The following RALYL variants were observed in gnomAD, a reference collection of about 807,000 sequenced individuals.
The protein encoded by RALYL is RNA-binding Raly-like protein.
A neutral mutation model predicts 35.1 loss-of-function variants in RALYL; 29 were observed. The observed-to-expected ratio is 0.83, with a 90% CI of 0.61 to 1.13. The LOEUF (loss-of-function observed/expected upper bound fraction) is 1.13. Among genes scored for constraint, RALYL ranks in the 50% most tolerant of loss-of-function variants. The pLI, the probability that RALYL is intolerant of heterozygous loss-of-function variation, is 0.00. For missense variants in RALYL, 359 were observed against 360.4 expected (o/e 1.00, Z 0.03); for synonymous variants, 120 against 127.6 (o/e 0.94, Z 0.40).
At chr8:84,574,868 G>A (rs1473451165) in intron 2 of RALYL, among the ~76,000 whole-genome samples, 3 of 152,006 alleles carry the variant, frequency 2.0e-5, no homozygotes, top group Non-Finnish European at 4.4e-5. Flanking sequence ...TATGACATCA[G>A]ACTAAAACTT....
rs541509946 is a variant in RALYL at position 84,377,696 on chromosome 8, C to T, written c.-23-151603C>T. The stretch of plus-strand genomic sequence containing the variant: ...TTTATCCACCCACTCTGCTCAAATA[C>T]ACCCCATGCATCTTAGGAACTAGGA... On this transcript the variant is annotated intron_variant, in intron 1 of 8. Transcript: ENST00000521268. Among the ~76,000 whole-genome samples the T allele has an allele frequency of 9.9e-5, 15 of 151,718 alleles. No individual in the cohort carries two copies. The South Asian group carries it at 2.9e-3, about 29-fold the overall frequency.
intron 1 of RALYL, among the ~76,000 whole-genome samples, chr8:84,346,504 T>C (rs1849863192): frequency 6.6e-6 from 1 of 152,158 alleles, no homozygotes; most frequent in Non-Finnish European, 1.5e-5. Flanking sequence ...AGTCTCACTC[T>C]GTCACCCAGG....
rs1199305820 is a variant in RALYL, at chr8:84,695,867, A to G, written c.257-78712A>G. 5.3e-5 allele frequency among the ~76,000 whole-genome samples: 8 copies of G among 151,898 alleles called. No individual in the cohort carries two copies. The East Asian group carries it at 1.5e-3, about 29-fold the overall frequency. On this transcript the variant is annotated intron_variant, in intron 2 of 8. Coordinates refer to ENST00000521268, the MANE Select transcript of RALYL (RefSeq NM_173848.7). ...TTCTACCCCTCTCAGTAATTCTCTC[A>G]CTAATGCTTAATTATTGTTACCCAT... is the stretch of plus-strand genomic sequence containing the variant.
intron 1 of RALYL, among the ~76,000 whole-genome samples, chr8:84,521,456 T>C (rs1245477631): frequency 6.6e-6 from 1 of 152,222 alleles, no homozygotes; most frequent in African/African-American, 2.4e-5. Flanking sequence ...TTATTTATTC[T>C]CTATTTTTGG....
chr8:84,469,782 A>G (rs535346981), intron 1 of RALYL, among the ~76,000 whole-genome samples: 1 of 152,162 alleles, frequency 6.6e-6, no homozygotes, highest in South Asian at 2.1e-4. Flanking sequence ...TGTGCTAGCA[A>G]TCAGCGAGAC....
intron 2 of RALYL, among the ~76,000 whole-genome samples, chr8:84,604,666 T>C (rs1416666072): frequency 1.3e-5 from 2 of 152,160 alleles, no homozygotes; most frequent in African/African-American, 4.8e-5. Flanking sequence ...CTGTAGTACA[T>C]TTTAATAGGG....
chr8:84,573,392 C>A (rs1808509494), intron 2 of RALYL, among the ~76,000 whole-genome samples: 2 of 151,680 alleles, frequency 1.3e-5, no homozygotes, highest in South Asian at 4.1e-4. Context: ...TAATTGATTT[C>A]TGACTTAATT....
chr8:84,729,458 A>G (rs866714199), intron 2 of RALYL, among the ~76,000 whole-genome samples: 2 of 152,060 alleles, frequency 1.3e-5, no homozygotes, highest in East Asian at 1.9e-4. Flanking sequence ...ACACCCTAAC[A>G]TCACAATTAA....
At chr8:84,704,297 C>A (rs1000726853) in intron 2 of RALYL, among the ~76,000 whole-genome samples, 30 of 151,984 alleles carry the variant, frequency 2.0e-4, no homozygotes, top group African/African-American at 7.3e-4. Flanking sequence ...TGGTGGCAGG[C>A]ACCTGTAATC....
intron 1 of RALYL, among the ~76,000 whole-genome samples, chr8:84,304,997 T>A (rs1296140293): frequency 1.3e-5 from 2 of 152,304 alleles, no homozygotes; most frequent in South Asian, 4.1e-4. Flanking sequence ...TTTATTCATA[T>A]GACTTTTGGG....
chr8:84,882,530 A>C (rs1842339785), intron 7 of RALYL, among the ~76,000 whole-genome samples: 1 of 151,992 alleles, frequency 6.6e-6, no homozygotes, highest in African/African-American at 2.4e-5. Flanking sequence ...TGGTGTGCAA[A>C]ATTCAACTGT....
chr8:84,589,342 T>G (rs1469923690), intron 2 of RALYL, among the ~76,000 whole-genome samples: 4 of 152,228 alleles, frequency 2.6e-5, no homozygotes, highest in Non-Finnish European at 5.9e-5. Context: ...TCCTGTTAGA[T>G]TCAGCCTGTC....
At chr8:84,262,731 C>T (rs910730987) in intron 1 of RALYL, among the ~76,000 whole-genome samples, 1 of 152,084 alleles carries the variant, frequency 6.6e-6, no homozygotes, top group Non-Finnish European at 1.5e-5. Context: ...ATGAAATCAA[C>T]TTTGTTGGTT....
intron 1 of RALYL, among the ~76,000 whole-genome samples, chr8:84,467,011 C>T (rs1181715852): frequency 6.6e-6 from 1 of 152,134 alleles, no homozygotes; most frequent in Non-Finnish European, 1.5e-5. Context: ...TTTTTTATTG[C>T]ATCTGTTTGA....
At chr8:84,888,922 G>T (rs971876065) in intron 8 of RALYL, among the ~76,000 whole-genome samples, 1 of 152,088 alleles carries the variant, frequency 6.6e-6, no homozygotes, top group East Asian at 1.9e-4. Flanking sequence ...GCTAATTTTT[G>T]TAATTTTAAT....
intron 1 of RALYL, among the ~76,000 whole-genome samples, chr8:84,471,560 C>T (rs2052758418): frequency 6.6e-6 from 1 of 151,884 alleles, no homozygotes; most frequent in African/African-American, 2.4e-5. Context: ...ACTCTGTCTC[C>T]AAAATAACAA....
intron 1 of RALYL, among the ~76,000 whole-genome samples, chr8:84,319,009 C>A: frequency 6.6e-6 from 1 of 151,830 alleles, no homozygotes; most frequent in East Asian, 1.9e-4. Flanking sequence ...AACAGAGTTA[C>A]GTGAATTTAA....
chr8:84,907,827 GA>G (rs1167824700), intron 8 of RALYL, among the ~76,000 whole-genome samples: 2 of 151,804 alleles, frequency 1.3e-5, no homozygotes, highest in Non-Finnish European at 2.9e-5. Context: ...ATAAGTTGGA[GA>G]AATATTTAAA....
chr8:84,378,284 C>T (rs192002043), intron 1 of RALYL, among the ~76,000 whole-genome samples: 217 of 151,900 alleles, frequency 1.4e-3, no homozygotes, highest in African/African-American at 4.7e-3. Flanking sequence ...CTCACAGTAT[C>T]GAAGTAAGAT....
Sources: gnomAD v4.1 joint callset for allele counts (sites outside exome capture counted in the v4.1 genomes callset) on GRCh38, gnomAD v4.1.1 for gene constraint, MANE v1.5 for transcripts, NCBI Gene and HGNC (gene_info 2026-07-23, HGNC 2026-07-21) for gene names.